The following DAAM2 variants were observed in gnomAD, a reference collection of about 807,000 sequenced individuals.
The protein encoded by DAAM2 is disheveled-associated activator of morphogenesis 2.
In DAAM2, 39 loss-of-function variants were observed where a neutral mutation model predicts 120.7. That is an observed-to-expected ratio of 0.32 (90% CI 0.25 to 0.42). DAAM2 has a LOEUF of 0.42. Ranked by LOEUF, DAAM2 falls within the 10% of genes least tolerant of loss-of-function variation. The pLI is 1.00. For synonymous variants in DAAM2, 488 were observed against 524.9 expected (o/e 0.93, Z 0.96); for missense variants, 1,283 against 1,401.7 (o/e 0.92, Z 1.35).
intron 9 of DAAM2, among the ~76,000 whole-genome samples, chr6:39,872,889 G>T (rs1163899093): frequency 6.6e-6 from 1 of 152,028 alleles, no homozygotes; most frequent in Non-Finnish European, 1.5e-5. Flanking sequence ...TCCCCCTGGG[G>T]ACATTTGCAA....
intron 1 of DAAM2, among the ~76,000 whole-genome samples, chr6:39,844,329 C>T (rs57216557): frequency 0.012 from 1,852 of 152,050 alleles, 21 homozygotes; most frequent in East Asian, 0.059. Context: ...AGGTATGCCC[C>T]ATTGTAATAT....
At chr6:39,798,072 C>T (rs1761753698) in intron 1 of DAAM2, among the ~76,000 whole-genome samples, 1 of 152,200 alleles carries the variant, frequency 6.6e-6, no homozygotes, top group Non-Finnish European at 1.5e-5. Flanking sequence ...AAACATTTAC[C>T]ATCTAGCATT....
At chr6:39,869,820 G>C (rs1191142489) in intron 7 of DAAM2, among the ~76,000 whole-genome samples, 4 of 146,922 alleles carry the variant, frequency 2.7e-5, no homozygotes, top group African/African-American at 7.5e-5. Context: ...AGGGAAGGCC[G>C]GTTGGGGGAA....
chr6:39,869,421 C>T (rs77876392), intron 7 of DAAM2, among the ~76,000 whole-genome samples: 3,026 of 152,062 alleles, frequency 0.02, 111 homozygotes, highest in African/African-American at 0.068. Flanking sequence ...CCCGTCTCCA[C>T]TAAAAAAATA....
chr6:39,800,683 C>T (rs974128070), intron 1 of DAAM2, among the ~76,000 whole-genome samples: 6 of 152,218 alleles, frequency 3.9e-5, no homozygotes, highest in African/African-American at 1.4e-4. Context: ...CCATGCTCCT[C>T]TCCTGGGTCA....
chr6:39,861,129 T>C (rs768454305), intron 3 of DAAM2, 112 bp downstream of exon 3: 2 of 817,748 alleles, frequency 2.4e-6, no homozygotes, highest in South Asian at 1.4e-5. Context: ...CCAGCCCTGT[T>C]CTAGGTGTTG....
rs1318245962 is a variant in DAAM2 at position 39,904,643 on chromosome 6, A to C, written c.*2606A>C. On this transcript the variant is annotated 3_prime_UTR_variant, in exon 25 of 25. Transcript: ENST00000274867. ...AGGTGAATGGGGAAGGGTCTGTTCC[A>C]GCCTCTCCCTACTCCCATCCCATTT... The C allele has an allele frequency of 2.2e-6, 1 of 454,128 alleles. No individual in the cohort carries two copies. Among genetic ancestry groups the C allele is most frequent in the Non-Finnish European group, 4.4e-6 (1 of 226,840 alleles). 28.1% of individuals were successfully genotyped at this position (454,128 alleles called of 1,614,324 possible). A position where few individuals can be genotyped will look rare whatever the true frequency, so the allele number is the denominator to read the frequency against.
At chr6:39,893,545 A>C (rs1296847974) in intron 19 of DAAM2, among the ~76,000 whole-genome samples, 1 of 152,164 alleles carries the variant, frequency 6.6e-6, no homozygotes, top group Non-Finnish European at 1.5e-5. Flanking sequence ...AGAATTAGTC[A>C]GTGGATATTC....
At chr6:39,842,833 G>A (rs1015597037) in intron 1 of DAAM2, among the ~76,000 whole-genome samples, 1 of 151,844 alleles carries the variant, frequency 6.6e-6, no homozygotes, top group South Asian at 2.1e-4. Context: ...TGAGAGAAGA[G>A]GGGGAGGAAG....
At chr6:39,860,629 G>A (rs915379297) in intron 2 of DAAM2, among the ~76,000 whole-genome samples, 26 of 152,192 alleles carry the variant, frequency 1.7e-4, no homozygotes, top group African/African-American at 4.3e-4. Flanking sequence ...CAATGCAGGC[G>A]ATGGGCAGGG....
chr6:39,873,323 T>C lies in DAAM2; in HGVS notation c.1130T>C (p.Leu377Pro). The C allele has an allele frequency of 6.2e-7, 1 of 1,613,390 alleles. No homozygotes were observed. Among genetic ancestry groups the C allele is most frequent in the Non-Finnish European group, 8.5e-7 (1 of 1,179,574 alleles). ...LKYTEAYPCLLSVLHHCLQMP... is the reference protein window; with the variant it reads ...LKYTEAYPCLPSVLHHCLQMP... ...TACACGGAGGCCTACCCCTGCCTGC[T>C]CTCTGTGCTGCACCACTGCCTGCAG... is the stretch of plus-strand genomic sequence containing the variant. The change falls in exon 10 of 25, where the codon CTC becomes CCC. Residue 377 changes from leucine (L) to proline (P), a missense_variant. Physicochemically the swap from Leu to Pro is moderately conservative, Grantham distance 98. This residue lies in a region of DAAM2 where 338 missense variants were observed against 443.9 expected (regional missense o/e 0.76). Transcript: ENST00000274867.
chr6:39,858,090 G>T lies in DAAM2; in HGVS notation c.168+1620G>T, dbSNP rs76343411. Among the ~76,000 whole-genome samples, 1,113 of 152,046 alleles carry T rather than the reference G, an allele frequency of 7.3e-3. 77 individuals carry two copies. In the East Asian group the frequency reaches 0.16, roughly 21 times the overall value. On this transcript the variant is annotated intron_variant, in intron 2 of 24. Coordinates refer to ENST00000274867, the MANE Select transcript of DAAM2 (RefSeq NM_001201427.2). ...AATGAGGTTCAGGACAATGACAGAG[G>T]GTCTCCTGCAGAAGAAACGGCATAT... is the stretch of plus-strand genomic sequence containing the variant.
intron 1 of DAAM2, among the ~76,000 whole-genome samples, chr6:39,840,070 T>C (rs1562017642): frequency 6.6e-6 from 1 of 151,838 alleles, no homozygotes; most frequent in Non-Finnish European, 1.5e-5. Flanking sequence ...CTACACAAAA[T>C]CCAAACATTA....
At chr6:39,871,598 T>C (rs1441877036) in intron 9 of DAAM2, 26 bp downstream of exon 9, 2 of 1,546,434 alleles carry the variant, frequency 1.3e-6, no homozygotes, top group Middle Eastern at 2.2e-4. Context: ...GGTGGAGCGA[T>C]TGCAATGGGG....
chr6:39,855,945 C>A, intron 1 of DAAM2: 1 of 759,622 alleles, frequency 1.3e-6, no homozygotes, highest in Non-Finnish European at 1.6e-6. Context: ...ATGGAAGTCA[C>A]ATTCAGTGAC....
intron 1 of DAAM2, among the ~76,000 whole-genome samples, chr6:39,796,619 CAAAAAAAAA>C (rs58885455): frequency 9.1e-6 from 1 of 109,642 alleles, no homozygotes; most frequent in Non-Finnish European, 1.8e-5. Context: ...GGTCCCCCTC[CAAAAAAAAA>C]AAAAAAAAAA....
chr6:39,869,778 TTTA>T (rs1297949422), intron 7 of DAAM2, among the ~76,000 whole-genome samples: 12 of 141,702 alleles, frequency 8.5e-5, no homozygotes, highest in African/African-American at 2.5e-4. Context: ...TTTTTTTTTT[TTTA>T]AAAACAATTT....
chr6:39,820,419 A>G (rs1394764678), intron 1 of DAAM2: 1 of 152,208 alleles, frequency 6.6e-6, no homozygotes, highest in Non-Finnish European at 1.5e-5. Flanking sequence ...ACTTAACTCA[A>G]ATAGATTTAA....
At chr6:39,838,739 A>G (rs1582650335) in intron 1 of DAAM2, among the ~76,000 whole-genome samples, 1 of 151,590 alleles carries the variant, frequency 6.6e-6, no homozygotes, top group Admixed American at 6.6e-5. Flanking sequence ...GCTCACTACA[A>G]CCTCCACCTC....
Sources: allele counts gnomAD v4.1 joint callset (sites outside exome capture counted in the v4.1 genomes callset), GRCh38; gene constraint gnomAD v4.1.1; regional missense constraint gnomAD v4.1.1; transcripts MANE v1.5; gene names NCBI Gene and HGNC (gene_info 2026-07-23, HGNC 2026-07-21).